Variants in RHOA observed in about 807,000 individuals in gnomAD.
RHOA encodes ras homolog family member A, also known as transforming protein RhoA.
RHOA carries 3 observed loss-of-function variants against 17.5 expected under a neutral mutation model. The observed-to-expected ratio is 0.17, with a 90% CI of 0.08 to 0.44. The LOEUF (loss-of-function observed/expected upper bound fraction) is 0.44, where lower values mean the gene tolerates loss of function less well. Among genes scored for constraint, RHOA ranks in the 20% least tolerant of loss-of-function variants. The probability of loss-of-function intolerance (pLI) is 0.99; values close to 1 mark genes in which losing one functional copy is unlikely to be tolerated. For synonymous variants in RHOA, 98 were observed against 88.4 expected (o/e 1.11, Z -0.61); for missense variants, 56 against 242.3 (o/e 0.23, Z 5.10).
At chr3:49,399,908 T>C (rs563049392) in intron 1 of RHOA, among the ~76,000 whole-genome samples, 6 of 152,166 alleles carry the variant, frequency 3.9e-5, no homozygotes, top group African/African-American at 1.4e-4. Context: ...AAAATCCATC[T>C]TGGAATCTGA....
Position 49,359,929 on chromosome 3 carries a change from GAAGC to G in RHOA, c.*276_*279del, listed in dbSNP as rs1575637822. On this transcript the variant is annotated 3_prime_UTR_variant, in exon 5 of 5. Coordinates refer to ENST00000418115, the MANE Select transcript of RHOA (RefSeq NM_001664.4). ...TACCAACTGTTTCTCTTTCTAGAAA[GAAGC>G]AAGAAGTTAAGAAATTCCTTGAATT... 2 of 370,894 alleles carry G rather than the reference GAAGC, an allele frequency of 5.4e-6. No homozygotes were observed. The highest frequency in any genetic ancestry group is 4.4e-5 in the Admixed American group (1 of 22,790). The allele number at this position is 370,894 out of a possible 1,614,324, so 23.0% of individuals were successfully genotyped here.
chr3:49,375,116 C>G (rs1395640224), intron 2 of RHOA, among the ~76,000 whole-genome samples: 1 of 151,962 alleles, frequency 6.6e-6, no homozygotes, highest in East Asian at 1.9e-4. Flanking sequence ...AAAATGAGCT[C>G]AGCATGGTGG....
chr3:49,380,085 A>G (rs1424926741), intron 1 of RHOA, among the ~76,000 whole-genome samples: 1 of 152,150 alleles, frequency 6.6e-6, no homozygotes, highest in Non-Finnish European at 1.5e-5. Context: ...ATGAGATGTG[A>G]GAATCAGCAG....
intron 2 of RHOA, among the ~76,000 whole-genome samples, chr3:49,375,087 C>A (rs1250234905): frequency 1.3e-5 from 2 of 151,866 alleles, no homozygotes; most frequent in African/African-American, 4.8e-5. Flanking sequence ...CCTGGTGAAA[C>A]CCCATCTCTA....
intron 1 of RHOA, among the ~76,000 whole-genome samples, chr3:49,408,698 T>C (rs964363340): frequency 6.6e-6 from 1 of 152,200 alleles, no homozygotes; most frequent in African/African-American, 2.4e-5. Context: ...GTTCAAAATT[T>C]AGTTATATTA....
At chr3:49,405,988 C>T (rs749535367) in intron 1 of RHOA, among the ~76,000 whole-genome samples, 1 of 152,138 alleles carries the variant, frequency 6.6e-6, no homozygotes, top group African/African-American at 2.4e-5. Flanking sequence ...CGCAGCCTGC[C>T]TTCTGTTTCT....
intron 1 of RHOA, among the ~76,000 whole-genome samples, chr3:49,380,477 G>A (rs1368022360): frequency 6.6e-6 from 1 of 152,042 alleles, no homozygotes; most frequent in Non-Finnish European, 1.5e-5. Context: ...GGAGGCCGAG[G>A]CGGGCAGATC....
chr3:49,388,334 C>T lies in RHOA; in HGVS notation c.-2-12743G>A, dbSNP rs190485460. On this transcript the variant is annotated intron_variant, in intron 1 of 4. Transcript: ENST00000418115. ...GGGATTATAATAGGTGGAGCCATGA[C>T]ATCCAGCCAGCTGTGGCTTTCTGAG... Among the ~76,000 whole-genome samples, 434 of 152,294 alleles carry T rather than the reference C, an allele frequency of 2.8e-3. 7 individuals are homozygous for T. In the Middle Eastern group the frequency reaches 0.041, roughly 14 times the overall value.
intron 1 of RHOA, among the ~76,000 whole-genome samples, chr3:49,381,069 C>T (rs560975289): frequency 4.6e-5 from 7 of 150,900 alleles, no homozygotes; most frequent in Admixed American, 6.6e-5. Flanking sequence ...AGAAGCATAT[C>T]GATGATAGGG....
chr3:49,378,198 A>C lies in RHOA; in HGVS notation c.-2-2607T>G, dbSNP rs1426128501. ...AAAAAAAAAAAAAAAAAAAGAGAGA[A>C]CTCCTTCTGACATGAAGTACGCTAT... On this transcript the variant is annotated intron_variant, in intron 1 of 4. Transcript: ENST00000418115. Among the ~76,000 whole-genome samples the C allele has an allele frequency of 9.5e-5, 13 of 136,868 alleles. 1 individual carries two copies. In the South Asian group the frequency reaches 2.5e-3, roughly 26 times the overall value. The allele number at this position is 136,868 out of a possible 152,430, so 89.8% of individuals were successfully genotyped here.
At chr3:49,411,209 C>G (rs1010300073) in intron 1 of RHOA, among the ~76,000 whole-genome samples, 3 of 151,882 alleles carry the variant, frequency 2.0e-5, no homozygotes, top group African/African-American at 7.3e-5. Context: ...AGCTTTCAGA[C>G]GAGTTCGGGC....
intron 1 of RHOA, among the ~76,000 whole-genome samples, chr3:49,402,352 C>G (rs2048739623): frequency 6.6e-6 from 1 of 151,940 alleles, no homozygotes; most frequent in Non-Finnish European, 1.5e-5. Context: ...TTATTGTAAA[C>G]CTTATTGCAG....
At chr3:49,362,370 C>A in intron 4 of RHOA, 126 bp downstream of exon 4, 2 of 942,212 alleles carry the variant, frequency 2.1e-6, no homozygotes, top group Non-Finnish European at 3.1e-6. Context: ...GGTCAGAGGG[C>A]CACAGAGGGG....
chr3:49,390,556 G>A (rs773438488), intron 1 of RHOA, among the ~76,000 whole-genome samples: 1 of 152,038 alleles, frequency 6.6e-6, no homozygotes, highest in Admixed American at 6.6e-5. Flanking sequence ...GAGCCACCAC[G>A]CCCAGCCCCA....
chr3:49,360,550 C>CG (rs2047949631), intron 4 of RHOA, among the ~76,000 whole-genome samples, 168 bp from the exon 5 acceptor site: 1 of 152,074 alleles, frequency 6.6e-6, no homozygotes, highest in South Asian at 2.1e-4. Flanking sequence ...TGACTGCAAC[C>CG]TCCACCTCCT....
chr3:49,380,285 G>A (rs2048295489), intron 1 of RHOA, among the ~76,000 whole-genome samples: 1 of 152,136 alleles, frequency 6.6e-6, no homozygotes, highest in African/African-American at 2.4e-5. Flanking sequence ...GTGATCTTGG[G>A]AGCCACCATC....
intron 4 of RHOA, 91 bp downstream of exon 4, chr3:49,362,405 G>A (rs2047986988): frequency 7.2e-7 from 1 of 1,392,240 alleles, no homozygotes; most frequent in South Asian, 1.6e-5. Flanking sequence ...AAACAACCTG[G>A]CCTGTGAAGG....
intron 1 of RHOA, among the ~76,000 whole-genome samples, chr3:49,401,041 C>CAAAAAAAAAA (rs57354041): frequency 0.016 from 1,074 of 67,500 alleles, 123 homozygotes; most frequent in South Asian, 0.06. Context: ...GACTCCGTCT[C>CAAAAAAAAAA]AAAAAAAAAA....
intron 1 of RHOA, among the ~76,000 whole-genome samples, chr3:49,378,190 AAGAG>A (rs1372645061): frequency 6.7e-6 from 1 of 149,514 alleles, no homozygotes; most frequent in South Asian, 2.1e-4. Flanking sequence ...AAAAAAAAAA[AAGAG>A]AGAACTCCTT....
Sources: allele counts gnomAD v4.1 joint callset (sites outside exome capture counted in the v4.1 genomes callset), GRCh38; gene constraint gnomAD v4.1.1; transcripts MANE v1.5; gene names NCBI Gene and HGNC (gene_info 2026-07-23, HGNC 2026-07-21).